The following IFT140 variants were observed in gnomAD, a reference collection of about 807,000 sequenced individuals.
IFT140 encodes the protein intraflagellar transport protein 140 homolog.
Under a neutral mutation model 164.6 loss-of-function variants are expected in IFT140, and 133 were observed. The ratio of observed to expected loss-of-function variants is 0.81; its 90% confidence interval spans 0.70 to 0.93. The LOEUF (loss-of-function observed/expected upper bound fraction) is 0.93. Among genes scored for constraint, IFT140 ranks in the 40% least tolerant of loss-of-function variants. The probability of loss-of-function intolerance (pLI) is 0.00; values close to 1 mark genes in which losing one functional copy is unlikely to be tolerated. For missense variants in IFT140, 2,045 were observed against 1,972.3 expected, an observed-to-expected ratio of 1.04 and a Z score of -0.70; for synonymous variants, 860 against 817.3, an observed-to-expected ratio of 1.05 and a Z score of -0.89.
Position 1,510,726 on chromosome 16 carries a change from G to A in IFT140, c.*218C>T. 1 of 596,244 alleles carries A rather than the reference G, an allele frequency of 1.7e-6. No homozygotes were observed. Among genetic ancestry groups the A allele is most frequent in the Non-Finnish European group, 3.0e-6 (1 of 336,392 alleles). The allele number at this position is 596,244 out of a possible 1,614,324, so 36.9% of individuals were successfully genotyped here. A position where few individuals can be genotyped will look rare whatever the true frequency, so the allele number is the denominator to read the frequency against. ...AAAGGAATGAATCCAAAAATCTAGTGGAGCTGCCGGGCACCCAGAGGCAGG... is the reference window on the plus strand; with the variant it reads ...AAAGGAATGAATCCAAAAATCTAGTAGAGCTGCCGGGCACCCAGAGGCAGG... On this transcript the variant is annotated 3_prime_UTR_variant, in exon 31 of 31. Coordinates refer to ENST00000426508, the MANE Select transcript of IFT140 (RefSeq NM_014714.4).
chr16:1,515,854 A>T (rs550688269), intron 30 of IFT140, among the ~76,000 whole-genome samples: 1 of 152,170 alleles, frequency 6.6e-6, no homozygotes, highest in Non-Finnish European at 1.5e-5. Context: ...CCACATGCAA[A>T]TCGGAATCAT....
At chr16:1,604,222 G>A (rs1160315284) in intron 3 of IFT140, among the ~76,000 whole-genome samples, 1 of 152,030 alleles carries the variant, frequency 6.6e-6, no homozygotes, top group African/African-American at 2.4e-5. Flanking sequence ...ATATGGAGGA[G>A]CCTGCTGGCA....
At chr16:1,540,910 T>G (rs1284179548) in intron 19 of IFT140, 1 of 985,288 alleles carries the variant, frequency 1.0e-6, no homozygotes, top group Non-Finnish European at 1.2e-6. Context: ...CCAGGCTGAG[T>G]GTCTGTCAGC....
intron 26 of IFT140, among the ~76,000 whole-genome samples, chr16:1,522,951 G>A (rs1228030293): frequency 6.6e-6 from 1 of 152,112 alleles, no homozygotes; most frequent in Non-Finnish European, 1.5e-5. Flanking sequence ...GCCAGTCACA[G>A]GGCTCACATC....
rs369493147 is a variant in IFT140, at chr16:1,524,864, C to T, written c.2917G>A (p.Ala973Thr). The change falls in exon 23 of 31, where the codon GCC (alanine) becomes ACC (threonine). Residue 973 changes from alanine to threonine, a missense_variant. By Grantham distance (58) the Ala-to-Thr change is moderately conservative. Coordinates refer to ENST00000426508, the MANE Select transcript of IFT140 (RefSeq NM_014714.4). ...QYLESQGEMD[A>T]ALHYYELARD... The stretch of plus-strand genomic sequence containing the variant: ...GCCAGCTCGTAGTAGTGCAGCGCGG[C>T]GTCCATCTCGCCCTGGCTCTCCAGG... 1.7e-5 allele frequency: 27 copies of T among 1,612,724 alleles called. No homozygotes were observed. Among genetic ancestry groups the T allele is most frequent in the African/African-American group, 6.7e-5 (5 of 75,018 alleles).
At chr16:1,595,101 C>G (rs1008784882) in intron 4 of IFT140, among the ~76,000 whole-genome samples, 1 of 150,800 alleles carries the variant, frequency 6.6e-6, no homozygotes, top group Admixed American at 6.6e-5. Flanking sequence ...CTGGCTAACA[C>G]GGTGAAACCC....
intron 19 of IFT140, among the ~76,000 whole-genome samples, chr16:1,537,977 C>T (rs970130414): frequency 5.3e-5 from 8 of 152,374 alleles, no homozygotes; most frequent in Non-Finnish European, 1.2e-4. Flanking sequence ...AGCTGAACCA[C>T]GTTCTCACCG....
chr16:1,611,490 C>CAA lies in IFT140; in HGVS notation c.-222+476_-222+477dup, dbSNP rs150781872. Among the ~76,000 whole-genome samples the CAA allele has an allele frequency of 6.1e-3, 531 of 86,782 alleles. 5 individuals carry two copies. The highest frequency in any genetic ancestry group is 0.019 in the African/African-American group (452 of 23,364). 56.9% of individuals were successfully genotyped at this position (86,782 alleles called of 152,430 possible). ...CTCCAGCCTGGGCGACAGAGCGAGT[C>CAA]AAAAAAAAAAAAAAAGAAAAGAAAA... On this transcript the variant is annotated intron_variant, in intron 1 of 30. Transcript: ENST00000426508.
chr16:1,587,390 T>C (rs2034943674), intron 8 of IFT140, 86 bp from the exon 9 acceptor site: 1 of 816,548 alleles, frequency 1.2e-6, no homozygotes, highest in South Asian at 1.5e-5. Context: ...GGAGCAAACA[T>C]TAAAAGTCAG....
At chr16:1,511,519 G>A (rs1228387216) in intron 30 of IFT140, among the ~76,000 whole-genome samples, 2 of 152,202 alleles carry the variant, frequency 1.3e-5, no homozygotes, top group Non-Finnish European at 2.9e-5. Flanking sequence ...CTCGAGTCTT[G>A]CGGGTGGACA....
Position 1,564,014 on chromosome 16 carries a change from C to A in IFT140, c.2050G>T (p.Gly684Trp). ...GAGCGTACCGCAGGGCCAGCGCGCC[C>A]ATCTTGGGGCTGCCCGTTTGCAGAC... ...PQSANGQPQDGRAGPAADVLI... is the reference protein window; with the variant it reads ...PQSANGQPQDWRAGPAADVLI... Residue 684 changes from glycine to tryptophan, a missense_variant, in exon 17 of 31, where the codon GGG becomes TGG. Transcript: ENST00000426508. This position sits in a 1 kb window ranked among gnomAD's most constrained non-coding sequence, Gnocchi z 5.5. 6.3e-7 allele frequency: 1 copy of A among 1,586,546 alleles called. No homozygotes were observed. The highest frequency in any genetic ancestry group is 8.6e-7 in the Non-Finnish European group (1 of 1,159,712).
At chr16:1,606,926 GCA>G (rs370198743) in intron 3 of IFT140, among the ~76,000 whole-genome samples, 192 bp downstream of exon 3, 57 of 150,166 alleles carry the variant, frequency 3.8e-4, no homozygotes, top group African/African-American at 2.7e-4. Flanking sequence ...CCACGTGTGC[GCA>G]CACACACACA....
intron 19 of IFT140, among the ~76,000 whole-genome samples, chr16:1,537,128 G>C (rs1362069706): frequency 6.6e-6 from 1 of 152,254 alleles, no homozygotes; most frequent in Non-Finnish European, 1.5e-5. Context: ...GTGAGGCTGG[G>C]TGCTGGTTTG....
chr16:1,528,023 C>G (rs941161331), intron 19 of IFT140, among the ~76,000 whole-genome samples: 1 of 152,188 alleles, frequency 6.6e-6, no homozygotes, highest in Non-Finnish European at 1.5e-5. Flanking sequence ...GCATGAGAAC[C>G]GTGTGTCCGC....
chr16:1,562,731 C>T (rs2033486259), intron 17 of IFT140, among the ~76,000 whole-genome samples: 1 of 152,084 alleles, frequency 6.6e-6, no homozygotes, highest in Non-Finnish European at 1.5e-5. Context: ...GAGATCATGC[C>T]AGTGCACTCC....
intron 4 of IFT140, among the ~76,000 whole-genome samples, chr16:1,596,287 C>T (rs2035460348): frequency 6.6e-6 from 1 of 152,114 alleles, no homozygotes; most frequent in Non-Finnish European, 1.5e-5. Context: ...TCCTCAGAGG[C>T]ATTCATTCCT....
chr16:1,510,971 C>A lies in IFT140; in HGVS notation c.4362G>T (p.Val1454=), dbSNP rs763213109. ...MEDARELDEE[V]VEEADDDP ...AGGGGTCGTCATCTGCCTCTTCCACCACCTCCTCGTCCAGCTCCCTGGCGT... is the reference window on the plus strand; with the variant it reads ...AGGGGTCGTCATCTGCCTCTTCCACAACCTCCTCGTCCAGCTCCCTGGCGT... The change falls in exon 31 of 31, where the codon GTG becomes GTT. Residue 1454 remains valine, a synonymous_variant. Transcript: ENST00000426508. 57 of 1,612,200 alleles carry A rather than the reference C, an allele frequency of 3.5e-5. No individual in the cohort carries two copies. Among genetic ancestry groups the A allele is most frequent in the Non-Finnish European group, 4.7e-5 (55 of 1,179,502 alleles).
At chr16:1,542,158 G>C (rs968758890) in intron 19 of IFT140, 79 of 1,414,012 alleles carry the variant, frequency 5.6e-5, no homozygotes, top group Non-Finnish European at 2.0e-5. Flanking sequence ...GAGGCCTTGG[G>C]TGGCCTGGGG....
In IFT140 at chr16:1,526,836, C is replaced by A. The variant is rs555260764; in HGVS notation, c.2400-40G>T. The A allele has an allele frequency of 2.5e-6, 4 of 1,572,680 alleles. No homozygotes were observed. In the South Asian group the frequency reaches 4.6e-5, roughly 18 times the overall value. On this transcript the variant is annotated intron_variant, in intron 19 of 30. Coordinates refer to ENST00000426508, the MANE Select transcript of IFT140 (RefSeq NM_014714.4). ...GGGTCTGTGAGGCTCCTGCCCAGCACCTCAGGGCCCCCTGGCCCTACGGCC... is the reference window on the plus strand; with the variant it reads ...GGGTCTGTGAGGCTCCTGCCCAGCAACTCAGGGCCCCCTGGCCCTACGGCC...
Sources: gnomAD v4.1 joint callset for allele counts (sites outside exome capture counted in the v4.1 genomes callset) on GRCh38, gnomAD v4.1.1 for gene constraint, Gnocchi (gnomAD v3.1) non-coding constraint, MANE v1.5 for transcripts, NCBI Gene and HGNC (gene_info 2026-07-23, HGNC 2026-07-21) for gene names.